NCALD: variants seen among roughly 807,000 people sequenced by gnomAD.
NCALD encodes neurocalcin-delta.
A neutral mutation model predicts 18.6 loss-of-function variants in NCALD; 10 were observed. The ratio of observed to expected loss-of-function variants is 0.54; its 90% CI spans 0.33 to 0.91. The LOEUF (loss-of-function observed/expected upper bound fraction) is 0.91, where lower values mean the gene tolerates loss of function less well. Ranked by LOEUF, NCALD falls within the 40% of genes least tolerant of loss-of-function variation. The pLI is 0.03. For missense variants in NCALD, 184 were observed against 247.6 expected (o/e 0.74, Z 1.72); for synonymous variants, 88 against 87.4 (o/e 1.01, Z -0.04).
rs1219259517 is a variant in NCALD at position 102,075,237 on chromosome 8, A to G, written c.-210+49000T>C. Reference sequence around the variant, plus strand: ...AAGTGCCACACCAAGAAAAGTCTAAACCTCATAGATGTTACCAAAAGGAAA... The same window carrying G: ...AAGTGCCACACCAAGAAAAGTCTAAGCCTCATAGATGTTACCAAAAGGAAA... On this transcript the variant is annotated intron_variant, in intron 1 of 6. Transcript: ENST00000311028. 2.0e-5 allele frequency among the ~76,000 whole-genome samples: 3 copies of G among 152,200 alleles called. No homozygotes were observed. In the East Asian group the frequency reaches 5.8e-4, roughly 29 times the overall value.
intron 2 of NCALD, among the ~76,000 whole-genome samples, chr8:101,935,806 A>T (rs516608): frequency 0.5 from 62,684 of 124,762 alleles, 14,679 homozygotes; most frequent in African/African-American, 0.6. Context: ...TTTTTTTTTT[A>T]AAGATGGAAG....
intron 1 of NCALD, among the ~76,000 whole-genome samples, chr8:102,056,243 T>C (rs1823645022): frequency 6.6e-6 from 1 of 152,236 alleles, no homozygotes; most frequent in Non-Finnish European, 1.5e-5. Context: ...ATGGGGCTTA[T>C]GTTTGTTTTT....
At chr8:101,856,996 C>G (rs773091075) in intron 4 of NCALD, among the ~76,000 whole-genome samples, 1 of 152,076 alleles carries the variant, frequency 6.6e-6, no homozygotes, top group Non-Finnish European at 1.5e-5. Flanking sequence ...TCACTAATAC[C>G]TCTAGTGTAT....
chr8:101,923,776 A>T (rs1818247557), intron 2 of NCALD, among the ~76,000 whole-genome samples: 1 of 152,190 alleles, frequency 6.6e-6, no homozygotes, highest in South Asian at 2.1e-4. Context: ...TTCTATTTGC[A>T]TTATTAAAGG....
At chr8:101,950,589 G>T (rs1449388548) in intron 2 of NCALD, among the ~76,000 whole-genome samples, 1 of 152,208 alleles carries the variant, frequency 6.6e-6, no homozygotes, top group Non-Finnish European at 1.5e-5. Context: ...CCTCAGTGAG[G>T]TTATGCTTGG....
chr8:102,001,197 G>A (rs1353485123), intron 2 of NCALD, among the ~76,000 whole-genome samples: 4 of 152,206 alleles, frequency 2.6e-5, no homozygotes, highest in Non-Finnish European at 5.9e-5. Flanking sequence ...TGATGGAGCT[G>A]AAAACCATGG....
chr8:101,758,431 C>T (rs948113398), intron 1 of NCALD, among the ~76,000 whole-genome samples: 4 of 152,208 alleles, frequency 2.6e-5, no homozygotes, highest in African/African-American at 4.8e-5. Context: ...CACCATTGAT[C>T]CTGGGTGACA....
At chr8:102,052,260 A>T (rs994359288) in intron 1 of NCALD, among the ~76,000 whole-genome samples, 1 of 152,204 alleles carries the variant, frequency 6.6e-6, no homozygotes, top group Non-Finnish European at 1.5e-5. Context: ...AATTTTGATG[A>T]CACAGTTGAA....
chr8:102,077,774 G>A (rs979447792), intron 1 of NCALD, among the ~76,000 whole-genome samples: 4 of 152,114 alleles, frequency 2.6e-5, no homozygotes, highest in Non-Finnish European at 4.4e-5. Flanking sequence ...CACTGTCTCT[G>A]GAATTTGACC....
chr8:102,103,731 G>A (rs1039324768), intron 1 of NCALD, among the ~76,000 whole-genome samples: 4 of 152,024 alleles, frequency 2.6e-5, no homozygotes, highest in African/African-American at 7.2e-5. Context: ...ACTGTTGTTT[G>A]CAATTGAAAA....
intron 2 of NCALD, among the ~76,000 whole-genome samples, chr8:101,988,154 C>CAAAAAAAAAAAAAAAAAA (rs141735735): frequency 5.4e-5 from 2 of 37,164 alleles, no homozygotes; most frequent in African/African-American, 1.4e-4. Context: ...GACTCCGTCT[C>CAAAAAAAAAAAAAAAAAA]AAAAAAAAAA....
intron 2 of NCALD, among the ~76,000 whole-genome samples, chr8:101,942,152 A>G (rs1436163898): frequency 6.6e-6 from 1 of 152,208 alleles, no homozygotes; most frequent in East Asian, 1.9e-4. Flanking sequence ...TCTAGAGAAT[A>G]GGTGACACCC....
intron 4 of NCALD, among the ~76,000 whole-genome samples, chr8:101,876,547 C>T (rs1045526731): frequency 6.6e-6 from 1 of 152,178 alleles, no homozygotes; most frequent in African/African-American, 2.4e-5. Context: ...AGCCTAATTT[C>T]CTTTTGGTTC....
chr8:101,755,892 T>C (rs995036464), intron 1 of NCALD, among the ~76,000 whole-genome samples: 2 of 152,196 alleles, frequency 1.3e-5, no homozygotes, highest in South Asian at 2.1e-4. Context: ...TGAAAACATA[T>C]AGTGGTGACA....
At position 101,856,519 on chromosome 8, in the gene NCALD, C is replaced by A. The variant is rs143770818; in HGVS notation, c.-20+30622G>T. On this transcript the variant is annotated intron_variant, in intron 4 of 6. Coordinates refer to the NCALD transcript ENST00000311028. ...TCTTACATGTTTCTACATGGCCTTA[C>A]GTGTAAGATTTTATTTGAAGAAATG... Among the ~76,000 whole-genome samples, 276 of 151,704 alleles carry A rather than the reference C, an allele frequency of 1.8e-3. 1 individual carries two copies. Among genetic ancestry groups the A allele is most frequent in the East Asian group, 5.0e-3 (26 of 5,150 alleles).
chr8:101,951,842 T>G (rs1490609216), intron 2 of NCALD, among the ~76,000 whole-genome samples: 1 of 152,136 alleles, frequency 6.6e-6, no homozygotes, highest in Non-Finnish European at 1.5e-5. Context: ...AGACTGTCCC[T>G]CAGGCATCCA....
At chr8:101,700,902 G>A (rs973230602) in intron 2 of NCALD, among the ~76,000 whole-genome samples, 1 of 152,232 alleles carries the variant, frequency 6.6e-6, no homozygotes, top group Admixed American at 6.5e-5. Context: ...GGAATGGGGT[G>A]GGAGGCACCA....
rs118065711 is a variant in NCALD, at chr8:101,753,552, G to A, written c.-19-33904C>T. Among the ~76,000 whole-genome samples the A allele has an allele frequency of 2.0e-3, 298 of 152,302 alleles. 3 individuals are homozygous for A. Among genetic ancestry groups the A allele is most frequent in the African/African-American group, 5.6e-3 (231 of 41,568 alleles). ...CCCCAGAGAATAGATATTGATTAGC[G>A]TAAGGCAGTTACAATAACTTTATCT... is the stretch of plus-strand genomic sequence containing the variant. On this transcript the variant is annotated intron_variant, in intron 1 of 3. Transcript: ENST00000220931.
chr8:101,731,581 T>C (rs79332701), intron 1 of NCALD, among the ~76,000 whole-genome samples: 2,401 of 152,276 alleles, frequency 0.016, 58 homozygotes, highest in African/African-American at 0.055. Flanking sequence ...GCATTTGCTA[T>C]TCGAGAGCTT....
Sources: allele counts gnomAD v4.1 joint callset (sites outside exome capture counted in the v4.1 genomes callset), GRCh38; gene constraint gnomAD v4.1.1; transcripts MANE v1.5; gene names NCBI Gene and HGNC (gene_info 2026-07-23, HGNC 2026-07-21).